The following OC90 variants were observed in gnomAD, a reference collection of about 807,000 sequenced individuals.
OC90 encodes the protein otoconin 90.
A neutral mutation model predicts 47.3 loss-of-function variants in OC90; 46 were observed. The observed-to-expected ratio is 0.97, with a 90% CI of 0.77 to 1.24. The LOEUF (loss-of-function observed/expected upper bound fraction) is 1.24, where lower values mean the gene tolerates loss of function less well. Ranked by LOEUF, OC90 falls within the 50% of genes most tolerant of loss-of-function variation. The probability of loss-of-function intolerance (pLI) is 0.00; values close to 1 mark genes in which losing one functional copy is unlikely to be tolerated. For missense variants in OC90, 688 were observed against 583.9 expected, an observed-to-expected ratio of 1.18 and a Z score of -1.84; for synonymous variants, 271 against 219.5, an observed-to-expected ratio of 1.23 and a Z score of -2.07.
At chr8:132,037,926 A>C (rs1386052451) in intron 8 of OC90, among the ~76,000 whole-genome samples, 1 of 152,182 alleles carries the variant, frequency 6.6e-6, no homozygotes, top group African/African-American at 2.4e-5. Context: ...TCATGTACAC[A>C]CATGCACACC....
chr8:132,037,298 C>T, intron 9 of OC90, 140 bp downstream of exon 9: 1 of 721,826 alleles, frequency 1.4e-6, no homozygotes, highest in East Asian at 2.7e-5. Context: ...ATGGATTTCT[C>T]ATGAATAGTT....
chr8:132,025,837 G>A (rs547543719), intron 13 of OC90, among the ~76,000 whole-genome samples: 2 of 152,180 alleles, frequency 1.3e-5, no homozygotes, highest in Admixed American at 6.5e-5. Context: ...CAGTAGCACT[G>A]CTGGACAGAG....
In OC90 at chr8:132,024,345, G is replaced by T; in HGVS notation, c.*136C>A. On this transcript the variant is annotated 3_prime_UTR_variant, in exon 14 of 14. Transcript: ENST00000254627. The stretch of plus-strand genomic sequence containing the variant: ...CTGATGAGGCATGGGCAGGGCTCAC[G>T]GCCTCTGTTCCCTCCCCGCCTCTGA... 1 of 691,712 alleles carries T rather than the reference G, an allele frequency of 1.4e-6. No homozygotes were observed. Among genetic ancestry groups the T allele is most frequent in the South Asian group, 2.3e-5 (1 of 43,564 alleles). 42.8% of individuals were successfully genotyped at this position (691,712 alleles called of 1,614,324 possible).
At chr8:132,051,899 A>C (rs1823215578) in intron 2 of OC90, among the ~76,000 whole-genome samples, 1 of 152,152 alleles carries the variant, frequency 6.6e-6, no homozygotes, top group Non-Finnish European at 1.5e-5. Context: ...TTTTTCAAAA[A>C]TTTTTTTTGA....
rs1051031358 is a variant in OC90, at chr8:132,024,440, G to A, written c.*41C>T. 1.3e-5 allele frequency: 19 copies of A among 1,436,058 alleles called. No individual in the cohort carries two copies. Among genetic ancestry groups the A allele is most frequent in the Non-Finnish European group, 1.7e-5 (18 of 1,061,560 alleles). 89.0% of individuals were successfully genotyped at this position (1,436,058 alleles called of 1,614,324 possible). A position where few individuals can be genotyped will look rare whatever the true frequency, so the allele number is the denominator to read the frequency against. ...AGATAAAGAGCTGAAGGTGGAGCAG[G>A]AGCCACGCTACTGAAGGTGTTAGCC... is the stretch of plus-strand genomic sequence containing the variant. On this transcript the variant is annotated 3_prime_UTR_variant, in exon 14 of 14. Transcript: ENST00000254627.
At chr8:132,055,154 C>A (rs1823265155) in intron 1 of OC90, 81 bp from the exon 2 acceptor site, 2 of 731,118 alleles carry the variant, frequency 2.7e-6, no homozygotes, top group Non-Finnish European at 4.5e-6. Context: ...CATGTCCTTT[C>A]TTGGTCCCAC....
intron 2 of OC90, among the ~76,000 whole-genome samples, chr8:132,052,647 C>T (rs1158182215): frequency 6.6e-6 from 1 of 152,210 alleles, no homozygotes; most frequent in East Asian, 1.9e-4. Context: ...AGTTCACTCA[C>T]AAAGTCCAAC....
intron 6 of OC90, 52 bp downstream of exon 6, chr8:132,040,992 C>T (rs900701821): frequency 4.5e-6 from 5 of 1,100,660 alleles, no homozygotes; most frequent in Admixed American, 1.7e-5. Context: ...GCTTGGGATC[C>T]CTGGACTGTC....
chr8:132,054,366 C>T (rs1823253900), intron 2 of OC90, among the ~76,000 whole-genome samples: 1 of 152,222 alleles, frequency 6.6e-6, no homozygotes. Flanking sequence ...GTTGCCACTC[C>T]ATGTTTTTCC....
intron 1 of OC90, among the ~76,000 whole-genome samples, chr8:132,056,737 G>A (rs549036443): frequency 6.6e-6 from 1 of 152,304 alleles, no homozygotes; most frequent in East Asian, 1.9e-4. Flanking sequence ...GCCCTGGAAA[G>A]TCTTGTGGTT....
intron 4 of OC90, among the ~76,000 whole-genome samples, chr8:132,044,013 C>T (rs1003744102): frequency 1.1e-4 from 17 of 152,228 alleles, no homozygotes; most frequent in African/African-American, 3.9e-4. Flanking sequence ...CACACTTTGA[C>T]GTTCTTAAAC....
chr8:132,026,044 G>A (rs556515323), intron 13 of OC90, among the ~76,000 whole-genome samples: 11 of 152,248 alleles, frequency 7.2e-5, no homozygotes, highest in African/African-American at 2.4e-4. Flanking sequence ...TAATACGTTT[G>A]AATGTACTTC....
intron 4 of OC90, among the ~76,000 whole-genome samples, chr8:132,044,129 AAGTCACTC>A (rs1367046327): frequency 6.6e-6 from 1 of 152,190 alleles, no homozygotes; most frequent in African/African-American, 2.4e-5. Context: ...GGTCTTGGGC[AAGTCACTC>A]AACTCCCTTC....
rs781005034 is a variant in OC90 at position 132,024,785 on chromosome 8, G to A, written c.1139-9C>T. ...CAGGCTTTGGCCCCCACCTTAGAAG[G>A]AAAGAGCAGAGTAGAAGCCATGAGA... On this transcript the variant is annotated splice_polypyrimidine_tract_variant and intron_variant, in intron 13 of 13. Transcript: ENST00000254627. 3 of 1,606,550 alleles carry A rather than the reference G, an allele frequency of 1.9e-6. No individual in the cohort carries two copies. The African/African-American group carries it at 4.0e-5, about 21-fold the overall frequency.
intron 6 of OC90, among the ~76,000 whole-genome samples, chr8:132,040,741 A>C (rs75432343): frequency 0.016 from 2,414 of 152,326 alleles, 64 homozygotes; most frequent in African/African-American, 0.055. Context: ...ATGCTACACA[A>C]TGTGTAAGTA....
intron 13 of OC90, among the ~76,000 whole-genome samples, chr8:132,028,022 C>T (rs1822783758): frequency 6.6e-6 from 1 of 152,180 alleles, no homozygotes; most frequent in Admixed American, 6.5e-5. Context: ...AATAATAGTG[C>T]TACCTCGGGA....
intron 1 of OC90, among the ~76,000 whole-genome samples, chr8:132,055,688 TCGG>T (rs1823271871): frequency 6.6e-6 from 1 of 152,148 alleles, no homozygotes; most frequent in Non-Finnish European, 1.5e-5. Context: ...CTTCCCTTCC[TCGG>T]CTTTTGAGTA....
rs551155396 is a variant in OC90 at position 132,049,447 on chromosome 8, G to C, written c.47-3564C>G. On this transcript the variant is annotated intron_variant, in intron 2 of 13. Transcript: ENST00000254627. ...TTGCGTCCTTTATGTTTTCACAGTG[G>C]ATAAGTGCAGAGTAAAGGGCTCCAG... 2.6e-5 allele frequency among the ~76,000 whole-genome samples: 4 copies of C among 152,290 alleles called. No homozygotes were observed. In the South Asian group the frequency reaches 6.2e-4, roughly 24 times the overall value.
At chr8:132,047,410 G>T (rs567198425) in intron 2 of OC90, among the ~76,000 whole-genome samples, 83 of 152,054 alleles carry the variant, frequency 5.5e-4, no homozygotes, top group African/African-American at 2.0e-3. Flanking sequence ...GTCTAAATTT[G>T]TATGCACATA....
Sources: gnomAD v4.1 joint callset for allele counts (sites outside exome capture counted in the v4.1 genomes callset) on GRCh38, gnomAD v4.1.1 for gene constraint, MANE v1.5 for transcripts, NCBI Gene and HGNC (gene_info 2026-07-23, HGNC 2026-07-21) for gene names.